The following RUNDC3B variants were observed in gnomAD, a reference collection of about 807,000 sequenced individuals.
RUNDC3B encodes the protein RUN domain-containing protein 3B.
A neutral mutation model predicts 58.4 loss-of-function variants in RUNDC3B; 33 were observed. The ratio of observed to expected loss-of-function variants is 0.56; its 90% confidence interval spans 0.43 to 0.75. RUNDC3B has a LOEUF of 0.75. RUNDC3B is among the 30% of genes least tolerant of loss of function. The pLI, the probability that RUNDC3B is intolerant of heterozygous loss-of-function variation, is 0.00. For synonymous variants in RUNDC3B, 193 were observed against 195.2 expected, an observed-to-expected ratio of 0.99 and a Z score of 0.10; for missense variants, 501 against 535.7, an observed-to-expected ratio of 0.94 and a Z score of 0.64.
At chr7:87,709,723 G>A (rs1357523118) in intron 3 of RUNDC3B, among the ~76,000 whole-genome samples, 1 of 152,098 alleles carries the variant, frequency 6.6e-6, no homozygotes, top group Non-Finnish European at 1.5e-5. Context: ...ATATTGATTA[G>A]TGTCACCTTT....
At chr7:87,806,827 C>G (rs999864379) in intron 8 of RUNDC3B, among the ~76,000 whole-genome samples, 1 of 151,990 alleles carries the variant, frequency 6.6e-6, no homozygotes, top group Non-Finnish European at 1.5e-5. Context: ...TCATGGGATT[C>G]AAGCCAGCAA....
At chr7:87,716,141 C>G (rs1183245162) in intron 4 of RUNDC3B, among the ~76,000 whole-genome samples, 3 of 152,002 alleles carry the variant, frequency 2.0e-5, no homozygotes, top group African/African-American at 7.2e-5. Flanking sequence ...TTTGGGAAAT[C>G]TGCCTACCAT....
At chr7:87,673,482 C>A (rs1292761831) in intron 2 of RUNDC3B, among the ~76,000 whole-genome samples, 1 of 152,132 alleles carries the variant, frequency 6.6e-6, no homozygotes, top group Non-Finnish European at 1.5e-5. Flanking sequence ...CATTGAGATT[C>A]TTTCCTCAGT....
chr7:87,715,266 A>G (rs1300286990), intron 4 of RUNDC3B, among the ~76,000 whole-genome samples: 1 of 133,566 alleles, frequency 7.5e-6, no homozygotes, highest in Non-Finnish European at 1.6e-5. Flanking sequence ...TATATAATTA[A>G]TTTATAATAA....
chr7:87,698,596 G>A (rs992746475), intron 2 of RUNDC3B, among the ~76,000 whole-genome samples: 1 of 152,040 alleles, frequency 6.6e-6, no homozygotes, highest in Non-Finnish European at 1.5e-5. Context: ...TTAAGTTTTT[G>A]TGTTCATTGC....
At chr7:87,764,203 A>G (rs73706918) in intron 6 of RUNDC3B, among the ~76,000 whole-genome samples, 1,743 of 151,930 alleles carry the variant, frequency 0.011, 36 homozygotes, top group African/African-American at 0.04. Flanking sequence ...TATTTTTTGA[A>G]GGACTTCATA....
chr7:87,719,971 T>G (rs1379179804), intron 4 of RUNDC3B, among the ~76,000 whole-genome samples: 3 of 135,060 alleles, frequency 2.2e-5, no homozygotes, highest in Non-Finnish European at 4.7e-5. Flanking sequence ...AAAAAATTAG[T>G]GGAACATTTG....
At chr7:87,801,788 C>T (rs1380528036) in intron 8 of RUNDC3B, among the ~76,000 whole-genome samples, 1 of 152,052 alleles carries the variant, frequency 6.6e-6, no homozygotes, top group Non-Finnish European at 1.5e-5. Context: ...TTCTGTAAAA[C>T]ACCCTTCATT....
chr7:87,672,900 A>G (rs954513454), intron 2 of RUNDC3B, among the ~76,000 whole-genome samples: 1 of 152,130 alleles, frequency 6.6e-6, no homozygotes. Context: ...ATTAATCCCA[A>G]TGTGAGTACC....
Position 87,700,501 on chromosome 7 carries a change from A to G in RUNDC3B, c.319A>G (p.Asn107Asp), listed in dbSNP as rs1828937720. The change falls in exon 3 of 11, where the codon AAT (asparagine) becomes GAT (aspartate). Residue 107 changes from asparagine to aspartate, a missense_variant. Asn to Asp is a conservative substitution (Grantham distance 23). Transcript: ENST00000394654. Reference sequence around the variant, plus strand: ...AGTGGCTTGCCGGAAAGTTTCACAGAATTGTATCTGCAGCATTGAAAATAT... The same window carrying G: ...AGTGGCTTGCCGGAAAGTTTCACAGGATTGTATCTGCAGCATTGAAAATAT... ...IRVACRKVSQNCICSIENMEN... is the reference protein window; with the variant it reads ...IRVACRKVSQDCICSIENMEN... 4 of 1,613,626 alleles carry G rather than the reference A, an allele frequency of 2.5e-6. No homozygotes were observed. Among genetic ancestry groups the G allele is most frequent in the Non-Finnish European group, 2.5e-6 (3 of 1,179,754 alleles).
intron 2 of RUNDC3B, among the ~76,000 whole-genome samples, chr7:87,690,928 T>C (rs192590672): frequency 1.3e-3 from 196 of 152,170 alleles, no homozygotes; most frequent in African/African-American, 4.5e-3. Flanking sequence ...GAAAAAAATA[T>C]ATATGCAGAG....
intron 9 of RUNDC3B, among the ~76,000 whole-genome samples, chr7:87,815,091 C>G (rs1281428775): frequency 6.6e-6 from 1 of 151,962 alleles, no homozygotes; most frequent in South Asian, 2.1e-4. Context: ...CTTTCCCCCC[C>G]TTCCTCCCCA....
intron 3 of RUNDC3B, among the ~76,000 whole-genome samples, chr7:87,702,598 T>G (rs1246164344): frequency 6.6e-6 from 1 of 152,162 alleles, no homozygotes; most frequent in Non-Finnish European, 1.5e-5. Flanking sequence ...TTGAATTACC[T>G]AATATTTAAG....
chr7:87,650,871 G>T lies in RUNDC3B; in HGVS notation c.172G>T (p.Asp58Tyr). The T allele has an allele frequency of 6.2e-7, 1 of 1,613,112 alleles. No homozygotes were observed. Among genetic ancestry groups the T allele is most frequent in the Non-Finnish European group, 8.5e-7 (1 of 1,179,344 alleles). Residue 58 changes from aspartate (D) to tyrosine (Y), a missense_variant, in exon 2 of 11, where the codon GAT becomes TAT. Coordinates refer to ENST00000394654, the MANE Select transcript of RUNDC3B (RefSeq NM_001134405.2). ...TCGGTCTTGCTTTGAGACAATTGATGATTCTTCTCCTGAATTTAACAATTT... is the reference window on the plus strand; with the variant it reads ...TCGGTCTTGCTTTGAGACAATTGATTATTCTTCTCCTGAATTTAACAATTT... ...IDRSCFETIDDSSPEFNNFAA... is the reference protein window; with the variant it reads ...IDRSCFETIDYSSPEFNNFAA...
intron 3 of RUNDC3B, among the ~76,000 whole-genome samples, chr7:87,703,885 C>CTTTTTTTTT: frequency 4.0e-3 from 240 of 60,138 alleles, no homozygotes; most frequent in South Asian, 5.7e-3. Flanking sequence ...TCAGTTTTTT[C>CTTTTTTTTT]TTTTTTTTTT....
At chr7:87,639,469 T>C (rs993089120) in intron 1 of RUNDC3B, among the ~76,000 whole-genome samples, 1 of 152,180 alleles carries the variant, frequency 6.6e-6, no homozygotes, top group Admixed American at 6.5e-5. Flanking sequence ...GTATACTCTT[T>C]AGTATTGAGA....
chr7:87,816,113 C>G (rs763282604), intron 9 of RUNDC3B, 28 bp from the exon 10 acceptor site: 95 of 1,509,854 alleles, frequency 6.3e-5, no homozygotes, highest in East Asian at 4.3e-4. Flanking sequence ...AAAAGAAATT[C>G]AAGTAGTATT....
chr7:87,750,109 A>G (rs962398944), intron 6 of RUNDC3B, among the ~76,000 whole-genome samples: 1 of 151,192 alleles, frequency 6.6e-6, no homozygotes, highest in Admixed American at 6.6e-5. Context: ...ATTCCCACCT[A>G]TGAGTGAGAA....
intron 1 of RUNDC3B, among the ~76,000 whole-genome samples, chr7:87,636,584 C>T (rs573454983): frequency 2.6e-5 from 4 of 152,214 alleles, no homozygotes; most frequent in African/African-American, 9.6e-5. Context: ...CATAAATTTC[C>T]TTCATGGTTA....
Sources: gnomAD v4.1 joint callset for allele counts (sites outside exome capture counted in the v4.1 genomes callset) on GRCh38, gnomAD v4.1.1 for gene constraint, MANE v1.5 for transcripts, NCBI Gene and HGNC (gene_info 2026-07-23, HGNC 2026-07-21) for gene names.